The following BAZ2B variants were observed in gnomAD, a reference collection of about 807,000 sequenced individuals.
BAZ2B encodes the protein bromodomain adjacent to zinc finger domain 2B, also known as bromodomain adjacent to zinc finger domain protein 2B.
BAZ2B carries 91 observed loss-of-function variants against 246.0 expected under a neutral mutation model. The ratio of observed to expected loss-of-function variants is 0.37; its 90% CI spans 0.31 to 0.44. The LOEUF (loss-of-function observed/expected upper bound fraction) is 0.44, where lower values mean the gene tolerates loss of function less well. Among genes scored for constraint, BAZ2B ranks in the 20% least tolerant of loss-of-function variants. The probability of loss-of-function intolerance (pLI) is 1.00; values close to 1 mark genes in which losing one functional copy is unlikely to be tolerated. For synonymous variants in BAZ2B, 855 were observed against 860.0 expected (o/e 0.99, Z 0.10); for missense variants, 2,332 against 2,533.7 (o/e 0.92, Z 1.71).
the BAZ2B span, among the ~76,000 whole-genome samples, chr2:159,692,480 T>A: frequency 1.3e-5 from 2 of 152,132 alleles, no homozygotes; most frequent in Non-Finnish European, 2.9e-5. Flanking sequence ...TCAATATTTC[T>A]AGGCTATGTG....
intron 8 of BAZ2B, among the ~76,000 whole-genome samples, chr2:159,436,285 A>G (rs1273414408): frequency 6.6e-6 from 1 of 152,148 alleles, no homozygotes; most frequent in Non-Finnish European, 1.5e-5. Flanking sequence ...ATCACTTCCC[A>G]TATATTGACA....
the BAZ2B span, among the ~76,000 whole-genome samples, chr2:159,662,691 A>ATT: frequency 2.1e-5 from 3 of 145,346 alleles, no homozygotes; most frequent in Non-Finnish European, 3.0e-5. Flanking sequence ...TGCCCGGCTA[A>ATT]TTTTTTTTTT....
At chr2:159,411,773 G>A (rs1277185255) in intron 14 of BAZ2B, 1 of 205,946 alleles carries the variant, frequency 4.9e-6, no homozygotes, top group Non-Finnish European at 8.5e-6. Flanking sequence ...TCAGCACTTT[G>A]AGCTTGATAA....
the BAZ2B span, among the ~76,000 whole-genome samples, chr2:159,692,111 CCTACATATATTT>C: frequency 6.6e-6 from 1 of 151,966 alleles, no homozygotes; most frequent in Non-Finnish European, 1.5e-5. Flanking sequence ...TAGACTAGTA[CCTACATATATTT>C]CATGCATTCA....
intron 1 of BAZ2B, among the ~76,000 whole-genome samples, chr2:159,605,829 A>G (rs914903929): frequency 7.2e-5 from 11 of 152,226 alleles, no homozygotes; most frequent in Admixed American, 5.2e-4. Context: ...TTTCACACAC[A>G]GTACAAAAAC....
the BAZ2B span, among the ~76,000 whole-genome samples, chr2:159,682,717 A>G: frequency 6.6e-6 from 1 of 152,318 alleles, no homozygotes; most frequent in Admixed American, 6.5e-5. Context: ...ACGAGAAGAC[A>G]GAACAGTTCC....
At chr2:159,684,840 T>C in the BAZ2B span, among the ~76,000 whole-genome samples, 8 of 152,220 alleles carry the variant, frequency 5.3e-5, no homozygotes, top group Non-Finnish European at 1.2e-4. Flanking sequence ...AATAATTTGA[T>C]TTAGTAGTAA....
At chr2:159,537,005 G>T (rs10186757) in intron 2 of BAZ2B, among the ~76,000 whole-genome samples, 1 of 152,104 alleles carries the variant, frequency 6.6e-6, no homozygotes, top group Non-Finnish European at 1.5e-5. Flanking sequence ...AGCAACCCAA[G>T]AGTCCATCCA....
chr2:159,340,387 T>C (rs2066451385), intron 31 of BAZ2B, among the ~76,000 whole-genome samples: 2 of 152,074 alleles, frequency 1.3e-5, no homozygotes, highest in Admixed American at 1.3e-4. Context: ...AGTAGAAAAC[T>C]TTCCACATCC....
chr2:159,560,816 C>G (rs771227763), intron 1 of BAZ2B, among the ~76,000 whole-genome samples: 5 of 151,998 alleles, frequency 3.3e-5, no homozygotes, highest in African/African-American at 1.2e-4. Flanking sequence ...CATGAGCCAC[C>G]GCACCCGGCT....
chr2:159,476,344 G>A (rs995979927), intron 3 of BAZ2B, among the ~76,000 whole-genome samples: 2 of 151,988 alleles, frequency 1.3e-5, no homozygotes, highest in Admixed American at 1.3e-4. Context: ...CACATTTCTG[G>A]ATAAATGGAA....
At chr2:159,479,951 T>A (rs2079057032) in intron 2 of BAZ2B, among the ~76,000 whole-genome samples, 1 of 152,108 alleles carries the variant, frequency 6.6e-6, no homozygotes, top group African/African-American at 2.4e-5. Flanking sequence ...CTTACAGAAT[T>A]TGTATTTCTC....
chr2:159,443,601 A>C (rs2073812484), intron 6 of BAZ2B, among the ~76,000 whole-genome samples: 1 of 152,182 alleles, frequency 6.6e-6, no homozygotes, highest in Non-Finnish European at 1.5e-5. Flanking sequence ...CCACTCCCAC[A>C]AACCCATGCT....
the BAZ2B span, among the ~76,000 whole-genome samples, chr2:159,631,768 T>C: frequency 6.6e-6 from 1 of 152,234 alleles, no homozygotes; most frequent in East Asian, 1.9e-4. Flanking sequence ...CCAACTCATT[T>C]TGAAAACTGG....
At chr2:159,456,893 A>G (rs2075839368) in intron 3 of BAZ2B, among the ~76,000 whole-genome samples, 1 of 152,210 alleles carries the variant, frequency 6.6e-6, no homozygotes, top group Non-Finnish European at 1.5e-5. Context: ...CATGCGGGAA[A>G]GGTTATACTA....
At chr2:159,414,626 G>A (rs1338124107) in intron 13 of BAZ2B, among the ~76,000 whole-genome samples, 2 of 151,960 alleles carry the variant, frequency 1.3e-5, no homozygotes, top group Non-Finnish European at 2.9e-5. Flanking sequence ...AGAACAGCCT[G>A]GCCAACATGG....
chr2:159,656,001 T>C, the BAZ2B span, among the ~76,000 whole-genome samples: 1 of 152,136 alleles, frequency 6.6e-6, no homozygotes, highest in African/African-American at 2.4e-5. Context: ...TTCCAGAGCA[T>C]GTCTCATCTT....
chr2:159,382,688 C>T lies in BAZ2B; in HGVS notation c.3876G>A (p.Arg1292=), dbSNP rs1388401112. Residue 1292 remains arginine, a synonymous_variant, in exon 25 of 37, where the codon AGG becomes AGA. Coordinates refer to ENST00000392783, the MANE Select transcript of BAZ2B (RefSeq NM_013450.4). ...GTPTPGRKRR[R]KGGDSDYDDD... is the part of the protein sequence containing the mutation. The stretch of plus-strand genomic sequence containing the variant: ...CGTCATAATCACTGTCTCCTCCCTT[C>T]CTTCTTCGCTTGCGTCCTGGAGTGG... 1.2e-6 allele frequency: 2 copies of T among 1,611,886 alleles called. No homozygotes were observed. The highest frequency in any genetic ancestry group is 1.7e-6 in the Non-Finnish European group (2 of 1,178,968).
chr2:159,578,588 A>G (rs1281712107), intron 1 of BAZ2B, among the ~76,000 whole-genome samples: 1 of 152,208 alleles, frequency 6.6e-6, no homozygotes, highest in South Asian at 2.1e-4. Context: ...ATAGACATCT[A>G]CAGAACTCTC....
Sources: gnomAD v4.1 joint callset for allele counts (sites outside exome capture counted in the v4.1 genomes callset) on GRCh38, gnomAD v4.1.1 for gene constraint, MANE v1.5 for transcripts, NCBI Gene and HGNC (gene_info 2026-07-23, HGNC 2026-07-21) for gene names.